The following S100PBP variants were observed in gnomAD, a reference collection of about 807,000 sequenced individuals.
S100PBP encodes S100P-binding protein.
Under a neutral mutation model 39.9 loss-of-function variants are expected in S100PBP, and 15 were observed. The ratio of observed to expected loss-of-function variants is 0.38; its 90% confidence interval spans 0.25 to 0.58. The LOEUF (loss-of-function observed/expected upper bound fraction) is 0.58, where lower values mean the gene tolerates loss of function less well. Ranked by LOEUF, S100PBP falls within the 20% of genes least tolerant of loss-of-function variation. The probability of loss-of-function intolerance (pLI) is 0.70; values close to 1 mark genes in which losing one functional copy is unlikely to be tolerated. For missense variants in S100PBP, 504 were observed against 487.3 expected, an observed-to-expected ratio of 1.03 and a Z score of -0.32; for synonymous variants, 178 against 180.3, an observed-to-expected ratio of 0.99 and a Z score of 0.10.
chr1:32,845,242 C>T (rs961383436), intron 5 of S100PBP, among the ~76,000 whole-genome samples: 1 of 151,926 alleles, frequency 6.6e-6, no homozygotes, highest in Non-Finnish European at 1.5e-5. Context: ...GCTGTGTTAG[C>T]CAGGATGGTC....
At position 32,831,860 on chromosome 1, in the gene S100PBP, G is replaced by A. The variant is rs564777746; in HGVS notation, c.1024+1793G>A. On this transcript the variant is annotated intron_variant, in intron 5 of 6. Coordinates refer to ENST00000373475, the MANE Select transcript of S100PBP (RefSeq NM_022753.4). ...GTTGACACTGATGATATCCAGTTAT[G>A]TTTTCTCTCATTTGGAGCATTTAAA... 4.9e-4 allele frequency among the ~76,000 whole-genome samples: 75 copies of A among 152,158 alleles called. 1 individual carries two copies. In the South Asian group the frequency reaches 0.015, roughly 31 times the overall value.
upstream of S100PBP, chr1:32,817,313 C>T: frequency 6.3e-7 from 1 of 1,594,694 alleles, no homozygotes; most frequent in Non-Finnish European, 8.6e-7. Context: ...CCGTCGCCGC[C>T]GCGTGCCGGG....
At chr1:32,841,365 TTTTA>T (rs770797042) in intron 5 of S100PBP, among the ~76,000 whole-genome samples, 12 of 152,014 alleles carry the variant, frequency 7.9e-5, no homozygotes, top group East Asian at 1.9e-4. Context: ...GTTTGTTTAT[TTTTA>T]TTTATTTATT....
At chr1:32,833,336 TAA>T (rs1029128926) in intron 5 of S100PBP, among the ~76,000 whole-genome samples, 2 of 152,112 alleles carry the variant, frequency 1.3e-5, no homozygotes, top group African/African-American at 4.8e-5. Context: ...TCATGAAAAA[TAA>T]CTTTGTTCTG....
chr1:32,820,637 C>A (rs1639013087), intron 1 of S100PBP: 1 of 152,180 alleles, frequency 6.6e-6, no homozygotes, highest in Non-Finnish European at 1.5e-5. Flanking sequence ...TGATACTTCA[C>A]AGAGTATAAT....
chr1:32,827,042 T>G lies in S100PBP; in HGVS notation c.831+112T>G, dbSNP rs921030392. 9 of 698,488 alleles carry G rather than the reference T, an allele frequency of 1.3e-5. No homozygotes were observed. In the African/African-American group the frequency reaches 1.4e-4, roughly 11 times the overall value. The allele number at this position is 698,488 out of a possible 1,614,324, so 43.3% of individuals were successfully genotyped here. Reference sequence around the variant, plus strand: ...CACACATACACAACTTCCCCTGCTGTGGGCATCCTACACCACAGTGGTACA... The same window carrying G: ...CACACATACACAACTTCCCCTGCTGGGGGCATCCTACACCACAGTGGTACA... On this transcript the variant is annotated intron_variant, in intron 3 of 6. Coordinates refer to ENST00000373475, the MANE Select transcript of S100PBP (RefSeq NM_022753.4).
At chr1:32,839,246 T>C (rs1285153210) in intron 5 of S100PBP, among the ~76,000 whole-genome samples, 1 of 152,246 alleles carries the variant, frequency 6.6e-6, no homozygotes, top group African/African-American at 2.4e-5. Context: ...ATTTGTCTTT[T>C]CGTGACTGGC....
At chr1:32,817,304 C>CG, upstream of S100PBP, 1 of 1,602,338 alleles carries the variant, frequency 6.2e-7, no homozygotes, top group Non-Finnish European at 8.5e-7. Context: ...CCTGGGTCAC[C>CG]GTCGCCGCCG....
intron 5 of S100PBP, among the ~76,000 whole-genome samples, chr1:32,841,086 G>A (rs538082829): frequency 4.6e-5 from 7 of 151,590 alleles, no homozygotes; most frequent in Non-Finnish European, 1.0e-4. Context: ...GCGTGAACCC[G>A]GGAGACGGAG....
intron 4 of S100PBP, among the ~76,000 whole-genome samples, chr1:32,828,696 A>G (rs1316692763): frequency 6.6e-6 from 1 of 152,112 alleles, no homozygotes; most frequent in East Asian, 1.9e-4. Context: ...TATTACATTA[A>G]TTTTGCTTAA....
intron 5 of S100PBP, among the ~76,000 whole-genome samples, chr1:32,833,487 G>A (rs1485014401): frequency 6.6e-6 from 1 of 151,052 alleles, no homozygotes; most frequent in Non-Finnish European, 1.5e-5. Context: ...TCAGCCTCCT[G>A]AGTAGCTGGG....
chr1:32,837,135 G>T (rs1313108737), intron 5 of S100PBP: 1 of 98,242 alleles, frequency 1.0e-5, no homozygotes, highest in Non-Finnish European at 2.0e-5. Context: ...TCCAGCCTGG[G>T]CAACAAAACA....
At chr1:32,836,554 GC>G in intron 5 of S100PBP, 1 of 982,976 alleles carries the variant, frequency 1.0e-6, no homozygotes, top group Non-Finnish European at 1.2e-6. Flanking sequence ...GTATATTATG[GC>G]TTCATTTTCT....
Position 32,826,409 on chromosome 1 carries a change from C to G in S100PBP, c.310C>G (p.Leu104Val). 3.7e-6 allele frequency: 6 copies of G among 1,614,112 alleles called. No individual in the cohort carries two copies. The highest frequency in any genetic ancestry group is 5.1e-6 in the Non-Finnish European group (6 of 1,180,016). Reference sequence around the variant, plus strand: ...CCGAGAGAAAAATTCATCGTACAGCCTGGGACCAGTAGCTGAGACTCCTGA... The same window carrying G: ...CCGAGAGAAAAATTCATCGTACAGCGTGGGACCAGTAGCTGAGACTCCTGA... Reference protein sequence around the residue: ...TPREKNSSYSLGPVAETPDLF... With the variant: ...TPREKNSSYSVGPVAETPDLF... Residue 104 changes from leucine (L) to valine (V), a missense_variant, in exon 3 of 7, where the codon CTG becomes GTG. Transcript: ENST00000373475.
intron 6 of S100PBP, among the ~76,000 whole-genome samples, chr1:32,854,299 C>T (rs1194490938): frequency 1.3e-5 from 2 of 152,182 alleles, no homozygotes; most frequent in Non-Finnish European, 2.9e-5. Context: ...ATAACCTGTG[C>T]ACATCCTTCC....
chr1:32,856,108 T>C lies in S100PBP; in HGVS notation c.*70T>C. ...GCTTGGAGCAGCATTTCATGTTCTT[T>C]TGCTGTTTTGTGCTTTGCCGATTTT... On this transcript the variant is annotated 3_prime_UTR_variant, in exon 7 of 7. Transcript: ENST00000373475. 1 of 1,005,772 alleles carries C rather than the reference T, an allele frequency of 9.9e-7. No homozygotes were observed. The highest frequency in any genetic ancestry group is 1.5e-6 in the Non-Finnish European group (1 of 660,260). 62.3% of individuals were successfully genotyped at this position (1,005,772 alleles called of 1,614,324 possible).
At position 32,856,004 on chromosome 1, in the gene S100PBP, G is replaced by A. The variant is rs1238989452; in HGVS notation, c.1193G>A (p.Arg398Gln). 3.7e-6 allele frequency: 6 copies of A among 1,613,290 alleles called. No individual in the cohort carries two copies. The highest frequency in any genetic ancestry group is 3.3e-5 in the South Asian group (3 of 91,068). The change falls in exon 7 of 7, where the codon CGG (arginine) becomes CAG (glutamine). Residue 398 changes from arginine to glutamine, a missense_variant. Physicochemically the swap from Arg to Gln is conservative, Grantham distance 43. Coordinates refer to ENST00000373475, the MANE Select transcript of S100PBP (RefSeq NM_022753.4). ...GACAGGAACATGCGAAGCCACCATCGGTTCCAGCGTCTCCCAGACTTCTCG... is the reference window on the plus strand; with the variant it reads ...GACAGGAACATGCGAAGCCACCATCAGTTCCAGCGTCTCCCAGACTTCTCG... ...WVDRNMRSHHRFQRLPDFSYS is the reference protein window; with the variant it reads ...WVDRNMRSHHQFQRLPDFSYS
chr1:32,836,043 T>G (rs1234933235), intron 5 of S100PBP: 1 of 152,178 alleles, frequency 6.6e-6, no homozygotes, highest in East Asian at 1.9e-4. Context: ...TCATACTGTT[T>G]TTCATAGCAG....
At chr1:32,854,782 C>T (rs1640759120) in intron 6 of S100PBP, among the ~76,000 whole-genome samples, 1 of 152,218 alleles carries the variant, frequency 6.6e-6, no homozygotes, top group Admixed American at 6.5e-5. Flanking sequence ...TCTCCTAATA[C>T]TCTTCCTCTT....
Sources: allele counts gnomAD v4.1 joint callset (sites outside exome capture counted in the v4.1 genomes callset), GRCh38; gene constraint gnomAD v4.1.1; transcripts MANE v1.5; gene names NCBI Gene and HGNC (gene_info 2026-07-23, HGNC 2026-07-21).